Variants in MYBPC1 observed in about 807,000 individuals in gnomAD.
The protein encoded by MYBPC1 is myosin binding protein C1.
Under a neutral mutation model 147.1 loss-of-function variants are expected in MYBPC1, and 52 were observed. That is an observed-to-expected ratio of 0.35 (90% CI 0.28 to 0.45). The LOEUF is 0.45. Among genes scored for constraint, MYBPC1 ranks in the 20% least tolerant of loss-of-function variants. The pLI is 1.00. For synonymous variants in MYBPC1, 477 were observed against 475.9 expected (o/e 1.00, Z -0.03); for missense variants, 1,228 against 1,440.3 (o/e 0.85, Z 2.39).
At chr12:101,598,016 C>CTTTT (rs34462251) in intron 1 of MYBPC1, among the ~76,000 whole-genome samples, 15 of 122,110 alleles carry the variant, frequency 1.2e-4, no homozygotes, top group Non-Finnish European at 1.2e-4. Context: ...AATCACCTTT[C>CTTTT]TTTTTTTTTT....
chr12:101,602,460 A>G (rs899009141), intron 1 of MYBPC1, among the ~76,000 whole-genome samples: 3 of 152,020 alleles, frequency 2.0e-5, no homozygotes, highest in Admixed American at 6.6e-5. Flanking sequence ...CAAGTGATCC[A>G]CCTGCCTCGG....
chr12:101,624,683 AT>A (rs57175970), intron 3 of MYBPC1, among the ~76,000 whole-genome samples: 6,289 of 98,982 alleles, frequency 0.064, 479 homozygotes, highest in African/African-American at 0.21. Context: ...CGGCTAATTA[AT>A]TTTTTTTTTT....
At chr12:101,636,587 T>C (rs1891027043) in intron 9 of MYBPC1, 85 bp from the exon 10 acceptor site, 1 of 1,106,746 alleles carries the variant, frequency 9.0e-7, no homozygotes, top group South Asian at 1.3e-5. Flanking sequence ...AAATTGCATA[T>C]ACGTTACATG....
chr12:101,612,872 G>A (rs575035725), intron 1 of MYBPC1, among the ~76,000 whole-genome samples: 89 of 152,292 alleles, frequency 5.8e-4, no homozygotes, highest in African/African-American at 2.0e-3. Flanking sequence ...TCATGTTTTG[G>A]TTGACGATAA....
intron 1 of MYBPC1, among the ~76,000 whole-genome samples, chr12:101,603,815 T>C (rs565103229): frequency 2.1e-4 from 32 of 152,286 alleles, no homozygotes; most frequent in African/African-American, 7.7e-4. Context: ...TGTACACCTG[T>C]AGTCCCAGCT....
chr12:101,623,743 A>C (rs961203531), intron 3 of MYBPC1, among the ~76,000 whole-genome samples: 4 of 152,242 alleles, frequency 2.6e-5, no homozygotes, highest in Non-Finnish European at 5.9e-5. Context: ...AGTAAATAAA[A>C]ACCTCTGAAT....
At chr12:101,623,890 A>G (rs1887983831) in intron 3 of MYBPC1, among the ~76,000 whole-genome samples, 1 of 152,210 alleles carries the variant, frequency 6.6e-6, no homozygotes, top group Admixed American at 6.5e-5. Context: ...GAATTCTTCT[A>G]ATAGCTCAGA....
intron 3 of MYBPC1, among the ~76,000 whole-genome samples, chr12:101,625,616 C>T (rs1410443244): frequency 6.6e-6 from 1 of 152,160 alleles, no homozygotes; most frequent in Non-Finnish European, 1.5e-5. Context: ...AGTTTTCCTC[C>T]TCTGCTAACA....
chr12:101,617,233 A>G lies in MYBPC1; in HGVS notation c.93A>G (p.Thr31=). The change falls in exon 3 of 32, where the codon ACA becomes ACG. Residue 31 remains threonine (T), a synonymous_variant. Transcript: ENST00000361466. ...GTAAAGAGAAGGAGGCCGGAACTAC[A>G]CCAGCAAAAGGTGAGTTGGAGGGAG... ...EPSKEKEAGT[T]PAKDEEEVSP... The G allele has an allele frequency of 6.2e-7, 1 of 1,613,850 alleles. No individual in the cohort carries two copies. The highest frequency in any genetic ancestry group is 2.2e-5 in the East Asian group (1 of 44,878).
chr12:101,683,841 AG>A (rs1951182357), intron 30 of MYBPC1, among the ~76,000 whole-genome samples: 1 of 152,228 alleles, frequency 6.6e-6, no homozygotes, highest in African/African-American at 2.4e-5. Context: ...TATATAGAAT[AG>A]CTTTGTAACA....
chr12:101,676,477 G>A (rs1900014197), intron 26 of MYBPC1, among the ~76,000 whole-genome samples: 1 of 152,072 alleles, frequency 6.6e-6, no homozygotes, highest in Non-Finnish European at 1.5e-5. Context: ...AATATCAGCT[G>A]GGAGCAGTGG....
At chr12:101,687,192 T>C (rs942048110), downstream of MYBPC1, among the ~76,000 whole-genome samples, 5 of 152,040 alleles carry the variant, frequency 3.3e-5, no homozygotes, top group African/African-American at 4.8e-5. Flanking sequence ...TCATTTACAT[T>C]AGGTATATCG....
At chr12:101,627,588 T>C (rs1888905968) in intron 4 of MYBPC1, among the ~76,000 whole-genome samples, 181 bp from the exon 5 acceptor site, 1 of 152,128 alleles carries the variant, frequency 6.6e-6, no homozygotes, top group Admixed American at 6.5e-5. Context: ...ACACACACTT[T>C]TATAGATGCT....
At chr12:101,678,421 C>T (rs1039337260) in intron 28 of MYBPC1, among the ~76,000 whole-genome samples, 183 bp downstream of exon 28, 1 of 152,240 alleles carries the variant, frequency 6.6e-6, no homozygotes, top group Non-Finnish European at 1.5e-5. Context: ...AAAATGCTTA[C>T]ATTTCTTTGC....
chr12:101,682,285 G>A (rs1951054691), intron 29 of MYBPC1, among the ~76,000 whole-genome samples: 1 of 152,054 alleles, frequency 6.6e-6, no homozygotes, highest in Non-Finnish European at 1.5e-5. Context: ...TTAACAAATG[G>A]AACAATATTT....
At chr12:101,620,809 G>C (rs1024564395) in intron 3 of MYBPC1, among the ~76,000 whole-genome samples, 3 of 152,156 alleles carry the variant, frequency 2.0e-5, no homozygotes, top group Non-Finnish European at 4.4e-5. Flanking sequence ...TATTAGCTTA[G>C]AGTCTGTATC....
chr12:101,626,522 A>T (rs1201425966), intron 3 of MYBPC1, among the ~76,000 whole-genome samples: 1 of 152,190 alleles, frequency 6.6e-6, no homozygotes, highest in Non-Finnish European at 1.5e-5. Flanking sequence ...CACTTTAGTT[A>T]CAAAATCAGG....
At chr12:101,618,088 A>T (rs1475928166) in intron 3 of MYBPC1, among the ~76,000 whole-genome samples, 1 of 152,252 alleles carries the variant, frequency 6.6e-6, no homozygotes, top group Non-Finnish European at 1.5e-5. Context: ...GACTGCAACA[A>T]GAAGTTTCTC....
chr12:101,594,981 C>T lies in MYBPC1; in HGVS notation c.-90C>T, dbSNP rs1876607207. 2.3e-6 allele frequency: 3 copies of T among 1,288,640 alleles called. No individual in the cohort carries two copies. In the Admixed American group the frequency reaches 5.1e-5, roughly 22 times the overall value. The allele number at this position is 1,288,640 out of a possible 1,614,324, so 79.8% of individuals were successfully genotyped here. ...TCTCCCCAACTGCTTGTCACACCGA[C>T]CTGCACCATCTCTCGCCTGCCTGTG... On this transcript the variant is annotated 5_prime_UTR_variant, in exon 1 of 32. Transcript: ENST00000361466.
Sources: gnomAD v4.1 joint callset for allele counts (sites outside exome capture counted in the v4.1 genomes callset) on GRCh38, gnomAD v4.1.1 for gene constraint, MANE v1.5 for transcripts, NCBI Gene and HGNC (gene_info 2026-07-23, HGNC 2026-07-21) for gene names.